The following TRIM2 variants were observed in gnomAD, a reference collection of about 807,000 sequenced individuals.
TRIM2 encodes tripartite motif containing 2.
Under a neutral mutation model 75.2 loss-of-function variants are expected in TRIM2, and 20 were observed. That is an observed-to-expected ratio of 0.27 (90% confidence interval 0.19 to 0.39). The LOEUF (loss-of-function observed/expected upper bound fraction) is 0.39. Ranked by LOEUF, TRIM2 falls within the 10% of genes least tolerant of loss-of-function variation. The pLI is 1.00. For synonymous variants in TRIM2, 373 were observed against 388.3 expected (o/e 0.96, Z 0.46); for missense variants, 660 against 990.8 (o/e 0.67, Z 4.48).
chr4:153,177,513 G>T (rs1400662299), intron 1 of TRIM2, among the ~76,000 whole-genome samples: 1 of 152,090 alleles, frequency 6.6e-6, no homozygotes, highest in South Asian at 2.1e-4. Context: ...AGGCATGGTG[G>T]CACATGCCTG....
intron 1 of TRIM2, among the ~76,000 whole-genome samples, chr4:153,244,435 C>CTTCTTCTTCTTCTTCTTCTTCTT (rs1748487375): frequency 2.3e-5 from 2 of 86,750 alleles, no homozygotes; most frequent in Non-Finnish European, 2.0e-5. Flanking sequence ...TCTTCTTCTT[C>CTTCTTCTTCTTCTTCTTCTTCTT]TTTTAATTAG....
chr4:153,313,651 G>C (rs1219612040), intron 6 of TRIM2, among the ~76,000 whole-genome samples: 1 of 34,438 alleles, frequency 2.9e-5, no homozygotes, highest in Non-Finnish European at 6.2e-5. Context: ...TTTTTTTTTT[G>C]AGACAGAGTC....
At chr4:153,330,772 C>CAT (rs1484911199) in intron 11 of TRIM2, among the ~76,000 whole-genome samples, 1 of 152,168 alleles carries the variant, frequency 6.6e-6, no homozygotes, top group African/African-American at 2.4e-5. Flanking sequence ...TAGTAAAAGA[C>CAT]TGAATGCATT....
At chr4:153,333,335 G>C (rs564541286) in intron 11 of TRIM2, among the ~76,000 whole-genome samples, 2 of 152,356 alleles carry the variant, frequency 1.3e-5, no homozygotes, top group East Asian at 3.9e-4. Context: ...GGAAAGGGGA[G>C]TAAGTAGCAA....
chr4:153,211,549 G>A (rs954364878), intron 1 of TRIM2, among the ~76,000 whole-genome samples: 2 of 147,848 alleles, frequency 1.4e-5, no homozygotes, highest in Admixed American at 6.8e-5. Flanking sequence ...GTGCAGTGGT[G>A]CAATCATGGC....
intron 1 of TRIM2, among the ~76,000 whole-genome samples, chr4:153,239,418 GCT>G (rs145312123): frequency 0.04 from 5,864 of 145,484 alleles, 199 homozygotes; most frequent in African/African-American, 0.1. Flanking sequence ...TAAAGATAGT[GCT>G]CTCTCTCTCT....
chr4:153,292,855 C>A, intron 3 of TRIM2, 127 bp from the exon 4 acceptor site: 1 of 995,694 alleles, frequency 1.0e-6, no homozygotes, highest in South Asian at 2.3e-5. Flanking sequence ...TGAAGCTGGA[C>A]TTAATAATGC....
intron 6 of TRIM2, among the ~76,000 whole-genome samples, chr4:153,300,591 G>A (rs1050340430): frequency 2.6e-5 from 4 of 151,982 alleles, no homozygotes; most frequent in African/African-American, 9.7e-5. Flanking sequence ...CGCCAGGCTG[G>A]TGTGCAGTGG....
chr4:153,229,081 T>C (rs1437931734), intron 1 of TRIM2, among the ~76,000 whole-genome samples: 1 of 152,212 alleles, frequency 6.6e-6, no homozygotes, highest in African/African-American at 2.4e-5. Context: ...ACATTTACTC[T>C]AAAGTCTCTG....
chr4:153,154,125 C>T lies in TRIM2; in HGVS notation c.-49+855C>T, dbSNP rs74930738. ...CGTTTACACATTTCTTAAAGAAACT[C>T]GGCCCTTCCCTAAAGGTTCCGAGGA... On this transcript the variant is annotated intron_variant, in intron 1 of 11. Coordinates refer to the TRIM2 transcript ENST00000437508. 3.6e-3 allele frequency among the ~76,000 whole-genome samples: 546 copies of T among 152,324 alleles called. 4 individuals carry two copies. The highest frequency in any genetic ancestry group is 0.013 in the African/African-American group (523 of 41,572).
intron 1 of TRIM2, among the ~76,000 whole-genome samples, chr4:153,190,342 T>C (rs1014866928): frequency 2.0e-5 from 3 of 152,236 alleles, no homozygotes; most frequent in African/African-American, 7.2e-5. Context: ...TATGACTTGA[T>C]TTTTAGTGCC....
Position 153,295,185 on chromosome 4 carries a change from A to T in TRIM2, c.787-128A>T. On this transcript the variant is annotated intron_variant, in intron 5 of 11. Coordinates refer to ENST00000338700, the MANE Select transcript of TRIM2 (RefSeq NM_015271.5). The surrounding 1 kb of genome is among the most constrained non-coding windows in gnomAD (Gnocchi z 7.2). The stretch of plus-strand genomic sequence containing the variant: ...TTAGCACTGGGTTCCCTGGGTTGAC[A>T]AACACCGCTTGCTCAGAGCCACCTG... 7.6e-7 allele frequency: 1 copy of T among 1,320,326 alleles called. No individual in the cohort carries two copies. Among genetic ancestry groups the T allele is most frequent in the South Asian group, 1.6e-5 (1 of 60,770 alleles). The allele number at this position is 1,320,326 out of a possible 1,614,324, so 81.8% of individuals were successfully genotyped here.
intron 11 of TRIM2, among the ~76,000 whole-genome samples, chr4:153,334,140 T>C (rs960488774): frequency 6.6e-6 from 1 of 151,930 alleles, no homozygotes; most frequent in Non-Finnish European, 1.5e-5. Flanking sequence ...ACATGAACAA[T>C]AAGCTTCATT....
intron 3 of TRIM2, among the ~76,000 whole-genome samples, chr4:153,281,741 G>A (rs1311359404): frequency 6.6e-6 from 1 of 152,192 alleles, no homozygotes; most frequent in African/African-American, 2.4e-5. Flanking sequence ...AAACTGCCAT[G>A]GTGGCATTGT....
chr4:153,171,024 G>A (rs1460025326), intron 1 of TRIM2, among the ~76,000 whole-genome samples: 1 of 152,200 alleles, frequency 6.6e-6, no homozygotes, highest in Non-Finnish European at 1.5e-5. Context: ...GCTTTCCCAA[G>A]ATAGCTTTCA....
At chr4:153,244,355 C>CCTCTTCTTCT (rs1748075400) in intron 1 of TRIM2, among the ~76,000 whole-genome samples, 1 of 12,706 alleles carries the variant, frequency 7.9e-5, no homozygotes, top group Non-Finnish European at 1.3e-4. Flanking sequence ...CTTCTTCTTC[C>CCTCTTCTTCT]TCTTCTTCTT....
intron 6 of TRIM2, among the ~76,000 whole-genome samples, chr4:153,312,082 A>T (rs1404707206): frequency 9.6e-6 from 1 of 104,186 alleles, no homozygotes; most frequent in Non-Finnish European, 1.9e-5. Flanking sequence ...ACCCCACAAC[A>T]GTCCCCAGAG....
chr4:153,229,734 G>T (rs1328282319), intron 1 of TRIM2, among the ~76,000 whole-genome samples: 1 of 152,214 alleles, frequency 6.6e-6, no homozygotes, highest in Non-Finnish European at 1.5e-5. Context: ...AATCCCATCT[G>T]CACGGAAGCT....
At chr4:153,183,289 C>A (rs1732261938) in intron 1 of TRIM2, among the ~76,000 whole-genome samples, 1 of 152,196 alleles carries the variant, frequency 6.6e-6, no homozygotes, top group African/African-American at 2.4e-5. Flanking sequence ...TTGACAGTTG[C>A]ATTATTTCAC....
Sources: allele counts gnomAD v4.1 joint callset (sites outside exome capture counted in the v4.1 genomes callset), GRCh38; gene constraint gnomAD v4.1.1; non-coding constraint Gnocchi (gnomAD v3.1); transcripts MANE v1.5; gene names NCBI Gene and HGNC (gene_info 2026-07-23, HGNC 2026-07-21).